Variants in PCNX2 observed in about 807,000 individuals in gnomAD.
The protein encoded by PCNX2 is pecanex-like protein 2.
PCNX2 carries 168 observed loss-of-function variants against 223.8 expected under a neutral mutation model. The observed-to-expected ratio is 0.75, with a 90% CI of 0.66 to 0.85. PCNX2 has a LOEUF of 0.85. Among genes scored for constraint, PCNX2 ranks in the 40% least tolerant of loss-of-function variants. The probability of loss-of-function intolerance (pLI) is 0.00; values close to 1 mark genes in which losing one functional copy is unlikely to be tolerated. For synonymous variants in PCNX2, 1,006 were observed against 1,052.6 expected, an observed-to-expected ratio of 0.96 and a Z score of 0.86; for missense variants, 2,507 against 2,675.5, an observed-to-expected ratio of 0.94 and a Z score of 1.39.
chr1:233,129,795 T>C (rs1231128904), intron 21 of PCNX2, among the ~76,000 whole-genome samples: 4 of 152,114 alleles, frequency 2.6e-5, no homozygotes, highest in Non-Finnish European at 5.9e-5. Context: ...CAGCTCTCCA[T>C]AAACCAGACC....
chr1:233,238,239 G>T (rs1304860677), intron 8 of PCNX2, among the ~76,000 whole-genome samples: 1 of 152,144 alleles, frequency 6.6e-6, no homozygotes, highest in East Asian at 1.9e-4. Flanking sequence ...GGCTCCTTAA[G>T]AATGCAGATG....
At position 233,000,222 on chromosome 1, in the gene PCNX2, C is replaced by A. The variant is rs1670033012; in HGVS notation, c.5328+83G>T. 8.4e-6 allele frequency: 11 copies of A among 1,310,128 alleles called. No homozygotes were observed. The highest frequency in any genetic ancestry group is 1.1e-5 in the Non-Finnish European group (10 of 907,022). 81.2% of individuals were successfully genotyped at this position (1,310,128 alleles called of 1,614,324 possible). A position where few individuals can be genotyped will look rare whatever the true frequency, so the allele number is the denominator to read the frequency against. ...TGGCACAGAGACTCCTGTGTCAGTG[C>A]CCCCCTGCCCACCACCATTCTATTT... is the stretch of plus-strand genomic sequence containing the variant. On this transcript the variant is annotated intron_variant, in intron 30 of 33. Transcript: ENST00000258229. The surrounding 1 kb of genome is among the most constrained non-coding windows in gnomAD (Gnocchi z 4.6).
intron 25 of PCNX2, among the ~76,000 whole-genome samples, chr1:233,053,887 T>C (rs1211682702): frequency 1.3e-5 from 2 of 152,120 alleles, no homozygotes; most frequent in Non-Finnish European, 2.9e-5. Context: ...CCTTAAATGA[T>C]TTGCACGCAA....
In PCNX2 at chr1:232,984,006, G is replaced by A. The variant is rs1460428433; in HGVS notation, c.*298C>T. The A allele has an allele frequency of 3.8e-5, 10 of 265,832 alleles. No homozygotes were observed. Among genetic ancestry groups the A allele is most frequent in the South Asian group, 1.3e-4 (1 of 7,512 alleles). The allele number at this position is 265,832 out of a possible 1,614,324, so 16.5% of individuals were successfully genotyped here. Reference sequence around the variant, plus strand: ...TGTGTGGTGCTGTCCGCGGTGTGCCGCTCTGGGCAGCGCTGTGCCTGGCCA... The same window carrying A: ...TGTGTGGTGCTGTCCGCGGTGTGCCACTCTGGGCAGCGCTGTGCCTGGCCA... On this transcript the variant is annotated 3_prime_UTR_variant, in exon 34 of 34. Transcript: ENST00000258229.
intron 13 of PCNX2, chr1:233,201,948 A>G: frequency 4.7e-6 from 1 of 214,580 alleles, no homozygotes; most frequent in African/African-American, 2.4e-5. Flanking sequence ...TAGAATTGGA[A>G]CTTAATGAAA....
intron 1 of PCNX2, among the ~76,000 whole-genome samples, chr1:233,265,980 T>C (rs181329235): frequency 9.2e-5 from 14 of 152,286 alleles, no homozygotes; most frequent in East Asian, 5.8e-4. Context: ...AGTTAGAATT[T>C]GAAGTTACCA....
chr1:233,036,410 A>T (rs1572034562), intron 25 of PCNX2, among the ~76,000 whole-genome samples: 1 of 152,260 alleles, frequency 6.6e-6, no homozygotes, highest in East Asian at 1.9e-4. Flanking sequence ...GGGGTGGATC[A>T]CCTGAGGTCA....
chr1:233,156,863 A>C (rs896479184), intron 19 of PCNX2, among the ~76,000 whole-genome samples: 3 of 152,166 alleles, frequency 2.0e-5, no homozygotes, highest in African/African-American at 7.2e-5. Context: ...GGTTGCAGTG[A>C]GCCGAGATTG....
At chr1:233,303,070 T>TACA in the PCNX2 span, among the ~76,000 whole-genome samples, 1 of 152,116 alleles carries the variant, frequency 6.6e-6, no homozygotes, top group Non-Finnish European at 1.5e-5. Flanking sequence ...TTCTATCAGT[T>TACA]AATGACAGAG....
At chr1:233,148,986 C>G (rs1034689400) in intron 19 of PCNX2, among the ~76,000 whole-genome samples, 1 of 152,198 alleles carries the variant, frequency 6.6e-6, no homozygotes, top group African/African-American at 2.4e-5. Flanking sequence ...GGAGGGCTTG[C>G]CCATGCAGCA....
intron 13 of PCNX2, among the ~76,000 whole-genome samples, chr1:233,200,631 C>T (rs1681028562): frequency 6.6e-6 from 1 of 151,716 alleles, no homozygotes; most frequent in Admixed American, 6.6e-5. Flanking sequence ...GGTGGTGAGT[C>T]AGAGTAGAAT....
chr1:233,000,574 C>A lies in PCNX2; in HGVS notation c.5098-39G>T. The A allele has an allele frequency of 1.3e-6, 2 of 1,518,290 alleles. No homozygotes were observed. The highest frequency in any genetic ancestry group is 1.8e-6 in the Non-Finnish European group (2 of 1,128,500). 94.1% of individuals were successfully genotyped at this position (1,518,290 alleles called of 1,614,324 possible). ...GTGTGGGTGTGGGCTGGGCAAGGAC[C>A]AGAGGAACTCACCCCCAGGAAGCAT... On this transcript the variant is annotated intron_variant, in intron 29 of 33. Coordinates refer to ENST00000258229, the MANE Select transcript of PCNX2 (RefSeq NM_014801.4). The surrounding 1 kb of genome is among the most constrained non-coding windows in gnomAD (Gnocchi z 4.6).
intron 1 of PCNX2, among the ~76,000 whole-genome samples, chr1:233,269,780 G>C (rs1185423531): frequency 6.6e-6 from 1 of 152,106 alleles, no homozygotes; most frequent in African/African-American, 2.4e-5. Context: ...CGAGAGTGCT[G>C]GGATGATTGT....
At position 233,160,239 on chromosome 1, in the gene PCNX2, AC is replaced by A. The variant is rs762012575; in HGVS notation, c.3517+43del. On this transcript the variant is annotated intron_variant, in intron 19 of 33. Transcript: ENST00000258229. ...ATGCTCTCCGGTTTAATGTATACCT[AC>A]CCCTCCTTTTTTTTTTTTTTAAATG... The A allele has an allele frequency of 7.8e-6, 12 of 1,542,976 alleles. No individual in the cohort carries two copies. The South Asian group carries it at 7.9e-5, about 10-fold the overall frequency.
chr1:233,193,595 CCTG>C (rs1353122893), intron 15 of PCNX2, among the ~76,000 whole-genome samples: 1 of 152,176 alleles, frequency 6.6e-6, no homozygotes, highest in African/African-American at 2.4e-5. Flanking sequence ...CCACAAGTGT[CCTG>C]CTCACAGCCT....
chr1:233,243,276 G>C (rs969064605), intron 8 of PCNX2, among the ~76,000 whole-genome samples: 4 of 152,078 alleles, frequency 2.6e-5, no homozygotes, highest in African/African-American at 9.7e-5. Context: ...TGGCTTTTTT[G>C]CCAATAATAA....
chr1:233,263,158 A>G lies in PCNX2; in HGVS notation c.159T>C (p.Phe53=), dbSNP rs778540060. The part of the protein sequence containing the change: ...LLLPLALHLA[F]PPNAIIVFFY... ...AAAATACAATGATCGCATTTGGAGG[A>G]AAAGCCTGAAGAAAGGAAAAGACAG... The change falls in exon 2 of 34, where the codon TTT becomes TTC. Residue 53 remains phenylalanine, a synonymous_variant. Coordinates refer to ENST00000258229, the MANE Select transcript of PCNX2 (RefSeq NM_014801.4). 1.2e-5 allele frequency: 19 copies of G among 1,602,654 alleles called. 1 individual carries two copies. The South Asian group carries it at 2.0e-4, about 17-fold the overall frequency.
At chr1:233,213,006 T>A (rs1012831951) in intron 12 of PCNX2, among the ~76,000 whole-genome samples, 1 of 152,204 alleles carries the variant, frequency 6.6e-6, no homozygotes, top group Non-Finnish European at 1.5e-5. Flanking sequence ...CCTCTGTGGT[T>A]TTCCTCCTAA....
chr1:233,288,383 A>C (rs12136701), intron 1 of PCNX2, among the ~76,000 whole-genome samples: 14,114 of 152,184 alleles, frequency 0.093, 833 homozygotes, highest in South Asian at 0.17. Context: ...AGCCCTGAGA[A>C]AGCTGGGAGT....
Sources: gnomAD v4.1 joint callset for allele counts (sites outside exome capture counted in the v4.1 genomes callset) on GRCh38, gnomAD v4.1.1 for gene constraint, Gnocchi (gnomAD v3.1) non-coding constraint, MANE v1.5 for transcripts, NCBI Gene and HGNC (gene_info 2026-07-23, HGNC 2026-07-21) for gene names.